Variants in RBFOX1 observed in about 807,000 individuals in gnomAD.
RBFOX1 encodes RNA binding protein fox-1 homolog 1.
In RBFOX1, 8 loss-of-function variants were observed where a neutral mutation model predicts 57.7. That is an observed-to-expected ratio of 0.14 (90% confidence interval 0.08 to 0.25). RBFOX1 has a LOEUF of 0.25. Ranked by LOEUF, RBFOX1 falls within the 10% of genes least tolerant of loss-of-function variation. The pLI, the probability that RBFOX1 is intolerant of heterozygous loss-of-function variation, is 1.00. For synonymous variants in RBFOX1, 326 were observed against 222.4 expected (o/e 1.47, Z -4.15); for missense variants, 611 against 548.5 (o/e 1.11, Z -1.14).
intron 3 of RBFOX1, among the ~76,000 whole-genome samples, chr16:7,050,672 C>A (rs1460187093): frequency 6.6e-6 from 1 of 152,074 alleles, no homozygotes; most frequent in Non-Finnish European, 1.5e-5. Flanking sequence ...TAAATGGTGT[C>A]TTTTGAACAT....
At chr16:7,240,326 A>C (rs193177494) in intron 4 of RBFOX1, among the ~76,000 whole-genome samples, 2 of 152,168 alleles carry the variant, frequency 1.3e-5, no homozygotes, top group Admixed American at 6.6e-5. Context: ...TTCATCAGGT[A>C]GTGTTCTAAG....
At chr16:6,348,600 T>G (rs1310171694) in intron 2 of RBFOX1, among the ~76,000 whole-genome samples, 1 of 152,128 alleles carries the variant, frequency 6.6e-6, no homozygotes, top group African/African-American at 2.4e-5. Context: ...AATCTGCATC[T>G]GGGGAGGCCT....
chr16:6,783,465 C>G (rs983358968), intron 3 of RBFOX1, among the ~76,000 whole-genome samples: 4 of 148,702 alleles, frequency 2.7e-5, no homozygotes, highest in African/African-American at 9.8e-5. Flanking sequence ...AATCTTATAA[C>G]CAATTATTTT....
chr16:6,956,346 A>C (rs2172311), intron 3 of RBFOX1, among the ~76,000 whole-genome samples: 36,327 of 152,016 alleles, frequency 0.24, 4,715 homozygotes, highest in African/African-American at 0.32. Flanking sequence ...TCCCCAAAGT[A>C]TTTTGCTGCT....
intron 3 of RBFOX1, among the ~76,000 whole-genome samples, chr16:7,030,749 T>C (rs1341934479): frequency 6.6e-6 from 1 of 152,238 alleles, no homozygotes; most frequent in East Asian, 1.9e-4. Flanking sequence ...GAAGAGACAC[T>C]ATTCAACCCA....
At chr16:5,638,959 A>G (rs1032293988) in intron 3 of RBFOX1, among the ~76,000 whole-genome samples, 1 of 152,180 alleles carries the variant, frequency 6.6e-6, no homozygotes, top group South Asian at 2.1e-4. Flanking sequence ...CAGAAATGCC[A>G]TTCTCTCCTC....
intron 3 of RBFOX1, among the ~76,000 whole-genome samples, chr16:7,001,832 T>C (rs553272283): frequency 9.2e-5 from 14 of 152,290 alleles, no homozygotes; most frequent in African/African-American, 3.4e-4. Context: ...ATCTTTATTA[T>C]TATTACTTTA....
chr16:7,600,993 T>C (rs902623440), intron 9 of RBFOX1, among the ~76,000 whole-genome samples: 6 of 152,092 alleles, frequency 3.9e-5, no homozygotes, highest in African/African-American at 1.2e-4. Flanking sequence ...CACGGAGGAG[T>C]TGGGGTTTGC....
In RBFOX1 at chr16:7,337,440, C is replaced by G. The variant is rs557048046; in HGVS notation, c.28-180707C>G. On this transcript the variant is annotated intron_variant, in intron 4 of 15. Transcript: ENST00000550418. ...GTAGAGCAGAGAACTTGGGTGAATT[C>G]ATGGAGTTGGCTTGTGATACTGAGA... 1.9e-3 allele frequency among the ~76,000 whole-genome samples: 289 copies of G among 152,248 alleles called. 1 individual carries two copies. Among genetic ancestry groups the G allele is most frequent in the African/African-American group, 6.4e-3 (264 of 41,554 alleles).
chr16:6,080,418 C>T (rs1348525893), intron 1 of RBFOX1, among the ~76,000 whole-genome samples: 2 of 152,148 alleles, frequency 1.3e-5, no homozygotes, highest in Admixed American at 6.5e-5. Context: ...GGTAGATTGA[C>T]CACAGCTCCT....
At chr16:6,254,507 T>A (rs572412492) in intron 1 of RBFOX1, among the ~76,000 whole-genome samples, 7 of 152,260 alleles carry the variant, frequency 4.6e-5, no homozygotes, top group African/African-American at 1.7e-4. Context: ...CTTGCTGAGT[T>A]TGAAGCTTGA....
At chr16:5,348,783 A>G (rs182550668) in intron 1 of RBFOX1, among the ~76,000 whole-genome samples, 81 of 152,360 alleles carry the variant, frequency 5.3e-4, no homozygotes, top group African/African-American at 1.9e-3. Flanking sequence ...TGCTGTATTG[A>G]AAACCTCACT....
At chr16:7,345,411 G>A (rs554198509) in intron 4 of RBFOX1, among the ~76,000 whole-genome samples, 14 of 152,290 alleles carry the variant, frequency 9.2e-5, no homozygotes, top group Admixed American at 7.8e-4. Flanking sequence ...CCCTGTATTT[G>A]CCTGTAGCAT....
intron 2 of RBFOX1, among the ~76,000 whole-genome samples, chr16:5,484,714 C>T (rs1290087745): frequency 6.6e-6 from 1 of 151,776 alleles, no homozygotes; most frequent in African/African-American, 2.4e-5. Flanking sequence ...AGATCGAAAC[C>T]ATCCTGGCCA....
At chr16:7,349,220 A>G (rs2097080820) in intron 4 of RBFOX1, among the ~76,000 whole-genome samples, 1 of 152,184 alleles carries the variant, frequency 6.6e-6, no homozygotes, top group Non-Finnish European at 1.5e-5. Flanking sequence ...CAAGAGATCA[A>G]GATATCTTCC....
At chr16:5,747,940 T>C (rs1426634797) in intron 3 of RBFOX1, among the ~76,000 whole-genome samples, 4 of 152,316 alleles carry the variant, frequency 2.6e-5, no homozygotes, top group Admixed American at 6.5e-5. Flanking sequence ...TTGCTCTTGC[T>C]TCTTTAGTTC....
intron 3 of RBFOX1, among the ~76,000 whole-genome samples, chr16:6,718,639 C>T (rs189371215): frequency 1.6e-4 from 25 of 152,186 alleles, no homozygotes; most frequent in Non-Finnish European, 2.4e-4. Flanking sequence ...GGAGGCAATT[C>T]GATCATGGGA....
intron 4 of RBFOX1, among the ~76,000 whole-genome samples, chr16:7,262,687 C>A (rs1469171668): frequency 1.3e-5 from 2 of 152,230 alleles, no homozygotes; most frequent in Non-Finnish European, 2.9e-5. Flanking sequence ...GTGGAGGTGT[C>A]CTGAATAATC....
chr16:6,716,259 A>G (rs950091925), intron 3 of RBFOX1, among the ~76,000 whole-genome samples: 4 of 152,150 alleles, frequency 2.6e-5, no homozygotes, highest in African/African-American at 7.2e-5. Context: ...CTTTGCCTGG[A>G]TTACTTACCA....
Sources: gnomAD v4.1 joint callset for allele counts (sites outside exome capture counted in the v4.1 genomes callset) on GRCh38, gnomAD v4.1.1 for gene constraint, MANE v1.5 for transcripts, NCBI Gene and HGNC (gene_info 2026-07-23, HGNC 2026-07-21) for gene names.